DYRK1A: variants seen among roughly 807,000 people sequenced by gnomAD.
The protein encoded by DYRK1A is dual specificity tyrosine phosphorylation regulated kinase 1A.
A neutral mutation model predicts 79.7 loss-of-function variants in DYRK1A; 9 were observed. The observed-to-expected ratio is 0.11, with a 90% CI of 0.07 to 0.20. The LOEUF (loss-of-function observed/expected upper bound fraction) is 0.20, where lower values mean the gene tolerates loss of function less well. DYRK1A is among the 10% of genes least tolerant of loss of function. The pLI is 1.00. For synonymous variants in DYRK1A, 349 were observed against 329.7 expected, an observed-to-expected ratio of 1.06 and a Z score of -0.63; for missense variants, 622 against 956.0, an observed-to-expected ratio of 0.65 and a Z score of 4.61.
chr21:37,407,277 C>A (rs1170972211), intron 1 of DYRK1A, among the ~76,000 whole-genome samples: 2 of 152,078 alleles, frequency 1.3e-5, no homozygotes, highest in African/African-American at 4.8e-5. Context: ...TAATTTTATA[C>A]AATATTTTCA....
chr21:37,486,476 G>A lies in DYRK1A; in HGVS notation c.499G>A (p.Ala167Thr). 6.5e-7 allele frequency: 1 copy of A among 1,546,204 alleles called. No homozygotes were observed. Among genetic ancestry groups the A allele is most frequent in the Non-Finnish European group, 8.7e-7 (1 of 1,149,888 alleles). Reference protein sequence around the residue: ...GKGSFGQVVKAYDRVEQEWVA... With the variant: ...GKGSFGQVVKTYDRVEQEWVA... Reference sequence around the variant, plus strand: ...TCATCTTCTCTTTTAGGTTGTAAAGGCATATGATCGTGTGGAGCAAGAATG... The same window carrying A: ...TCATCTTCTCTTTTAGGTTGTAAAGACATATGATCGTGTGGAGCAAGAATG... Residue 167 changes from alanine (A) to threonine (T), a missense_variant, in exon 6 of 12, where the codon GCA (alanine) becomes ACA (threonine). Physicochemically the swap from Ala to Thr is moderately conservative, Grantham distance 58. Transcript: ENST00000647188.
rs1453374930 is a variant in DYRK1A at position 37,512,290 on chromosome 21, C to T, written c.2024C>T (p.Pro675Leu). Residue 675 changes from proline to leucine, a missense_variant, in exon 12 of 12, where the codon CCA becomes CTA. Transcript: ENST00000647188. ...NQGNQAYQNR[P>L]VAANTLDFGQ... ...GGCAATCAGGCCTACCAGAATCGCC[C>T]AGTGGCTGCTAATACCTTGGACTTT... The T allele has an allele frequency of 6.2e-6, 10 of 1,614,220 alleles. No individual in the cohort carries two copies. Among genetic ancestry groups the T allele is most frequent in the Non-Finnish European group, 8.5e-6 (10 of 1,180,038 alleles).
chr21:37,418,267 G>A (rs1213088511), intron 1 of DYRK1A, among the ~76,000 whole-genome samples: 1 of 152,158 alleles, frequency 6.6e-6, no homozygotes. Context: ...TGCTGTATAA[G>A]TCAGCAGAAA....
At chr21:37,395,324 C>CTTTTTTTTTTTT (rs2049940933) in intron 1 of DYRK1A, among the ~76,000 whole-genome samples, 1 of 152,124 alleles carries the variant, frequency 6.6e-6, no homozygotes, top group Non-Finnish European at 1.5e-5. Context: ...GCCCTGTATT[C>CTTTTTTTTTTTT]TTATTCTCTG....
chr21:37,489,847 T>C (rs1309997562), intron 6 of DYRK1A, among the ~76,000 whole-genome samples: 2 of 152,160 alleles, frequency 1.3e-5, no homozygotes, highest in African/African-American at 4.8e-5. Context: ...TAAATGAAGA[T>C]AAAATTGCTG....
intron 1 of DYRK1A, among the ~76,000 whole-genome samples, chr21:37,401,368 GA>G (rs1392011561): frequency 1.3e-5 from 2 of 151,380 alleles, no homozygotes; most frequent in African/African-American, 2.4e-5. Context: ...TTTAATATTT[GA>G]TTTTTTTTCT....
At chr21:37,440,555 C>G (rs773008923) in intron 2 of DYRK1A, among the ~76,000 whole-genome samples, 1 of 152,118 alleles carries the variant, frequency 6.6e-6, no homozygotes, top group South Asian at 2.1e-4. Flanking sequence ...ATTGTCTTAG[C>G]TGTATCAAAA....
chr21:37,454,085 C>CTTTTTTTTTTTA (rs2051550969), intron 2 of DYRK1A, among the ~76,000 whole-genome samples: 1 of 59,614 alleles, frequency 1.7e-5, no homozygotes, highest in Non-Finnish European at 2.9e-5. Context: ...ATGTAGTCTC[C>CTTTTTTTTTTTA]TTTTTTTTTT....
chr21:37,431,828 TTTG>T (rs1418469078), intron 2 of DYRK1A, among the ~76,000 whole-genome samples: 1 of 152,218 alleles, frequency 6.6e-6, no homozygotes, highest in African/African-American at 2.4e-5. Flanking sequence ...ACTGTACTAT[TTTG>T]TTGTCTTGAT....
At chr21:37,468,988 C>T (rs1485527322) in intron 2 of DYRK1A, among the ~76,000 whole-genome samples, 2 of 152,000 alleles carry the variant, frequency 1.3e-5, no homozygotes, top group Non-Finnish European at 2.9e-5. Flanking sequence ...GCTTACAATT[C>T]AGTAGAAAAA....
At chr21:37,475,203 A>G (rs1263763426) in intron 3 of DYRK1A, among the ~76,000 whole-genome samples, 1 of 152,238 alleles carries the variant, frequency 6.6e-6, no homozygotes, top group Non-Finnish European at 1.5e-5. Flanking sequence ...CTGAGGCAGC[A>G]GGAGGAGGTC....
At chr21:37,464,373 G>A (rs1266528239) in intron 2 of DYRK1A, 1 of 423,694 alleles carries the variant, frequency 2.4e-6, no homozygotes, top group Non-Finnish European at 4.5e-6. Flanking sequence ...TTTTCTTTTA[G>A]TAAAATATTG....
At chr21:37,438,215 T>A (rs1386624353) in intron 2 of DYRK1A, among the ~76,000 whole-genome samples, 1 of 152,198 alleles carries the variant, frequency 6.6e-6, no homozygotes, top group Non-Finnish European at 1.5e-5. Context: ...TTGATACAAA[T>A]CCTTTATCAA....
chr21:37,459,830 T>A (rs1455914951), intron 2 of DYRK1A, among the ~76,000 whole-genome samples: 2 of 152,200 alleles, frequency 1.3e-5, no homozygotes, highest in Non-Finnish European at 2.9e-5. Context: ...CATCTAAAAT[T>A]AAACTTTGAT....
chr21:37,482,114 G>T (rs2052664848), intron 5 of DYRK1A, among the ~76,000 whole-genome samples: 1 of 152,162 alleles, frequency 6.6e-6, no homozygotes, highest in Non-Finnish European at 1.5e-5. Flanking sequence ...TTAAACTATG[G>T]AACCTGCATG....
chr21:37,395,153 G>T (rs886950651), intron 1 of DYRK1A, among the ~76,000 whole-genome samples: 3 of 152,212 alleles, frequency 2.0e-5, no homozygotes, highest in African/African-American at 7.2e-5. Flanking sequence ...GACAGTGGAA[G>T]TTTGTCAGAA....
chr21:37,454,668 T>C lies in DYRK1A; in HGVS notation c.11-18016T>C, dbSNP rs1480567148. Among the ~76,000 whole-genome samples, 3 of 152,206 alleles carry C rather than the reference T, an allele frequency of 2.0e-5. No individual in the cohort carries two copies. The East Asian group carries it at 5.8e-4, about 29-fold the overall frequency. ...ATGGAAAACACCACCTTTCTGATGTTAAAAAATTTTATCTCATTGTTACTT... is the reference window on the plus strand; with the variant it reads ...ATGGAAAACACCACCTTTCTGATGTCAAAAAATTTTATCTCATTGTTACTT... On this transcript the variant is annotated intron_variant, in intron 2 of 11. Transcript: ENST00000647188.
chr21:37,495,051 T>C (rs997372256), intron 8 of DYRK1A, among the ~76,000 whole-genome samples: 4 of 152,098 alleles, frequency 2.6e-5, no homozygotes, highest in African/African-American at 7.2e-5. Flanking sequence ...TTTATTATTT[T>C]CTACCACTGA....
intron 2 of DYRK1A, among the ~76,000 whole-genome samples, chr21:37,438,505 C>T (rs1370162068): frequency 1.3e-5 from 2 of 152,104 alleles, no homozygotes; most frequent in Non-Finnish European, 2.9e-5. Flanking sequence ...TAATAGTGTG[C>T]TGCAAAGTAT....
Sources: allele counts gnomAD v4.1 joint callset (sites outside exome capture counted in the v4.1 genomes callset), GRCh38; gene constraint gnomAD v4.1.1; transcripts MANE v1.5; gene names NCBI Gene and HGNC (gene_info 2026-07-23, HGNC 2026-07-21).